The following ACSM3 variants were observed in gnomAD, a reference collection of about 807,000 sequenced individuals.
The protein encoded by ACSM3 is acyl-coenzyme A synthetase ACSM3, mitochondrial.
In ACSM3, 61 loss-of-function variants were observed where a neutral mutation model predicts 74.1. The observed-to-expected ratio is 0.82, with a 90% CI of 0.67 to 1.02. The LOEUF (loss-of-function observed/expected upper bound fraction) is 1.02, where lower values mean the gene tolerates loss of function less well. Ranked by LOEUF, ACSM3 falls within the 50% of genes least tolerant of loss-of-function variation. The pLI, the probability that ACSM3 is intolerant of heterozygous loss-of-function variation, is 0.00. For missense variants in ACSM3, 660 were observed against 697.0 expected, an observed-to-expected ratio of 0.95 and a Z score of 0.60; for synonymous variants, 213 against 241.5, an observed-to-expected ratio of 0.88 and a Z score of 1.09.
intron 1 of ACSM3, among the ~76,000 whole-genome samples, chr16:20,732,714 C>T (rs11646042): frequency 0.61 from 92,768 of 151,922 alleles, 29,628 homozygotes; most frequent in Non-Finnish European, 0.72. Flanking sequence ...TAAAAACCCC[C>T]AAGATGGAGC....
intron 12 of ACSM3, among the ~76,000 whole-genome samples, chr16:20,792,889 T>G (rs1347915081): frequency 6.6e-6 from 1 of 152,172 alleles, no homozygotes. Context: ...TATTTTGGCT[T>G]AAAAGTACCA....
At chr16:20,717,200 A>G (rs1381248177) in intron 1 of ACSM3, among the ~76,000 whole-genome samples, 1 of 152,234 alleles carries the variant, frequency 6.6e-6, no homozygotes. Flanking sequence ...CAAGGGAAGA[A>G]GGCTGCATCT....
intron 1 of ACSM3, chr16:20,743,866 C>T (rs2079947172): frequency 6.6e-6 from 1 of 152,104 alleles, no homozygotes; most frequent in African/African-American, 2.4e-5. Flanking sequence ...CTTAGGATAT[C>T]AAATATTAGC....
chr16:20,738,088 C>T, intron 1 of ACSM3: 1 of 846,974 alleles, frequency 1.2e-6, no homozygotes, highest in Admixed American at 2.3e-5. Context: ...ATGAATCTAC[C>T]TAGTCATTCT....
intron 1 of ACSM3, among the ~76,000 whole-genome samples, chr16:20,733,225 G>A (rs2079841823): frequency 6.6e-6 from 1 of 152,038 alleles, no homozygotes; most frequent in Non-Finnish European, 1.5e-5. Context: ...AAAATTGCAG[G>A]AGTCAAATGA....
chr16:20,712,723 T>C (rs1054857401), intron 1 of ACSM3, among the ~76,000 whole-genome samples: 19 of 149,902 alleles, frequency 1.3e-4, no homozygotes, highest in Non-Finnish European at 2.7e-4. Context: ...CTGGCCAACA[T>C]GGTGAAAACC....
chr16:20,683,715 C>CTCTTTCTTTCTTTCTTTCTTTCTT, intron 1 of ACSM3, among the ~76,000 whole-genome samples: 1 of 136,310 alleles, frequency 7.3e-6, no homozygotes, highest in Non-Finnish European at 1.5e-5. Flanking sequence ...CTCTCTCTCT[C>CTCTTTCTTTCTTTCTTTCTTTCTT]TCTTTCTTTC....
upstream of ACSM3, among the ~76,000 whole-genome samples, chr16:20,759,668 C>A (rs956632190): frequency 6.6e-6 from 1 of 152,046 alleles, no homozygotes; most frequent in Admixed American, 6.6e-5. Flanking sequence ...GCTCTGTACC[C>A]CTTCTCCCAC....
In ACSM3 at chr16:20,792,082, G is replaced by A. The variant is rs750402984; in HGVS notation, c.1407G>A (p.Gly469=). The change falls in exon 11 of 14, where the codon GGG becomes GGA. Residue 469 remains glycine (G), a synonymous_variant. Transcript: ENST00000289416. ...TGDRGYMDKD[G]YFWFVARADD... is the part of the protein sequence containing the mutation. Reference sequence around the variant, plus strand: ...ACAGAGGATATATGGATAAAGATGGGTATTTCTGGTTTGTTGCAAGAGCAG... The same window carrying A: ...ACAGAGGATATATGGATAAAGATGGATATTTCTGGTTTGTTGCAAGAGCAG... The A allele has an allele frequency of 6.2e-7, 1 of 1,613,976 alleles. No homozygotes were observed. Among genetic ancestry groups the A allele is most frequent in the Non-Finnish European group, 8.5e-7 (1 of 1,179,996 alleles).
intron 2 of ACSM3, among the ~76,000 whole-genome samples, chr16:20,770,616 TG>T (rs770786778): frequency 1.3e-5 from 2 of 150,924 alleles, no homozygotes; most frequent in African/African-American, 2.4e-5. Context: ...TTGGGGAAAA[TG>T]TAAAGGATGC....
At chr16:20,695,827 A>ATCCTTT (rs1401870696) in intron 1 of ACSM3, among the ~76,000 whole-genome samples, 2 of 152,156 alleles carry the variant, frequency 1.3e-5, no homozygotes, top group Non-Finnish European at 2.9e-5. Context: ...CTATTTCTGT[A>ATCCTTT]TCTATATACC....
intron 1 of ACSM3, among the ~76,000 whole-genome samples, chr16:20,689,728 T>G (rs2079618465): frequency 6.6e-6 from 1 of 152,208 alleles, no homozygotes; most frequent in African/African-American, 2.4e-5. Flanking sequence ...TCCTTTTACT[T>G]CCTTCCTCTC....
At chr16:20,690,868 C>A in intron 1 of ACSM3, 1 of 845,098 alleles carries the variant, frequency 1.2e-6, no homozygotes, top group Non-Finnish European at 1.8e-6. Flanking sequence ...GAAATATAAG[C>A]TTCTTCCACA....
At chr16:20,753,441 G>A (rs1468021796) in intron 2 of ACSM3, among the ~76,000 whole-genome samples, 1 of 142,868 alleles carries the variant, frequency 7.0e-6, no homozygotes, top group Non-Finnish European at 1.5e-5. Flanking sequence ...TCCAGCCTGG[G>A]TGACAGAACG....
Position 20,797,346 on chromosome 16 carries a change from T to C in ACSM3, c.*374T>C. 1.0e-6 allele frequency: 1 copy of C among 1,002,230 alleles called. No homozygotes were observed. Among genetic ancestry groups the C allele is most frequent in the Non-Finnish European group, 1.2e-6 (1 of 840,284 alleles). The allele number at this position is 1,002,230 out of a possible 1,614,324, so 62.1% of individuals were successfully genotyped here. ...TCAGAACCAATGTTCAAGCCTGAAA[T>C]AAAACTAAAGAACTTATAAAAGTTT... is the stretch of plus-strand genomic sequence containing the variant. On this transcript the variant is annotated 3_prime_UTR_variant, in exon 14 of 14. Transcript: ENST00000289416.
At chr16:20,734,453 C>G (rs745990529) in intron 1 of ACSM3, 5 of 152,324 alleles carry the variant, frequency 3.3e-5, no homozygotes, top group Non-Finnish European at 2.9e-5. Context: ...TCTCTTTGCC[C>G]CTCTCAAATC....
intron 1 of ACSM3, chr16:20,679,679 C>A (rs2079397401): frequency 6.6e-6 from 1 of 152,184 alleles, no homozygotes; most frequent in East Asian, 1.9e-4. Flanking sequence ...GTAAGGAATA[C>A]CATAGTTAAA....
chr16:20,783,812 A>AT (rs35116517), intron 7 of ACSM3, among the ~76,000 whole-genome samples: 134,334 of 147,340 alleles, frequency 0.91, 61,715 homozygotes, highest in East Asian at 0.99. Context: ...CCCCGTCTCA[A>AT]TTTTTTTTTT....
upstream of ACSM3, chr16:20,674,452 CT>C (rs763470170): frequency 5.3e-4 from 83 of 157,380 alleles, no homozygotes; most frequent in Admixed American, 1.1e-3. Context: ...TCCCTCCCCC[CT>C]CTCCACCCCC....
Sources: allele counts gnomAD v4.1 joint callset (sites outside exome capture counted in the v4.1 genomes callset), GRCh38; gene constraint gnomAD v4.1.1; transcripts MANE v1.5; gene names NCBI Gene and HGNC (gene_info 2026-07-23, HGNC 2026-07-21).